PREX2: variants seen among roughly 807,000 people sequenced by gnomAD.
PREX2 encodes the protein phosphatidylinositol 3,4,5-trisphosphate-dependent Rac exchanger 2 protein.
In PREX2, 107 loss-of-function variants were observed where a neutral mutation model predicts 203.2. The ratio of observed to expected loss-of-function variants is 0.53; its 90% confidence interval spans 0.45 to 0.62. The LOEUF (loss-of-function observed/expected upper bound fraction) is 0.62. Among genes scored for constraint, PREX2 ranks in the 20% least tolerant of loss-of-function variants. The pLI is 0.00. For synonymous variants in PREX2, 672 were observed against 663.6 expected (o/e 1.01, Z -0.19); for missense variants, 1,777 against 1,955.9 (o/e 0.91, Z 1.72).
intron 38 of PREX2, among the ~76,000 whole-genome samples, chr8:68,218,639 G>A (rs979542971): frequency 8.5e-5 from 13 of 152,094 alleles, no homozygotes; most frequent in Non-Finnish European, 1.8e-4. Context: ...TATCTAACTC[G>A]CAGGCAAACG....
At position 67,959,894 on chromosome 8, in the gene PREX2, A is replaced by G. The variant is rs546941387; in HGVS notation, c.141+7359A>G. ...AACTTACAAACTCTCTCTTTGGGCA[A>G]ACAACACAGCCTCTGTATGTCTCAG... On this transcript the variant is annotated intron_variant, in intron 1 of 39. Coordinates refer to ENST00000288368, the MANE Select transcript of PREX2 (RefSeq NM_024870.4). Among the ~76,000 whole-genome samples the G allele has an allele frequency of 2.6e-5, 4 of 152,250 alleles. No individual in the cohort carries two copies. In the South Asian group the frequency reaches 8.3e-4, roughly 32 times the overall value.
chr8:68,157,343 A>G lies in PREX2; in HGVS notation c.4253A>G (p.Tyr1418Cys). Residue 1418 changes from tyrosine (Y) to cysteine (C), a missense_variant, in exon 35 of 40, where the codon TAT becomes TGT. Transcript: ENST00000288368. ...ACAGCACTAGAGAGCATGGAAGGAT[A>G]TTATTACAGAGACAATGTTTCTGTG... is the stretch of plus-strand genomic sequence containing the variant. ...FAQALESMEG[Y>C]YYRDNVSVEE... is the part of the protein sequence containing the mutation. 6 of 1,608,026 alleles carry G rather than the reference A, an allele frequency of 3.7e-6. No homozygotes were observed. The highest frequency in any genetic ancestry group is 4.3e-6 in the Non-Finnish European group (5 of 1,174,792).
chr8:68,060,784 T>C lies in PREX2; in HGVS notation c.1339+5T>C. ...AAAATGGAATCATTCACCATGGTAA[T>C]TACTTTATTATTAATTACTTATTTA... On this transcript the variant is annotated splice_donor_5th_base_variant and intron_variant, in intron 11 of 39. Coordinates refer to ENST00000288368, the MANE Select transcript of PREX2 (RefSeq NM_024870.4). 1 of 1,557,600 alleles carries C rather than the reference T, an allele frequency of 6.4e-7. No individual in the cohort carries two copies. Among genetic ancestry groups the C allele is most frequent in the South Asian group, 1.1e-5 (1 of 87,940 alleles).
chr8:68,215,121 C>T (rs1293003330), intron 37 of PREX2, among the ~76,000 whole-genome samples: 1 of 152,126 alleles, frequency 6.6e-6, no homozygotes, highest in Non-Finnish European at 1.5e-5. Context: ...TTCCTGATTG[C>T]AGTAAAATCT....
intron 33 of PREX2, among the ~76,000 whole-genome samples, chr8:68,145,168 A>G (rs1250426675): frequency 6.6e-6 from 1 of 152,164 alleles, no homozygotes; most frequent in African/African-American, 2.4e-5. Context: ...TTAATTTTCA[A>G]CCCTTTGGGT....
At position 68,109,434 on chromosome 8, in the gene PREX2, T is replaced by C; in HGVS notation, c.2957T>C (p.Val986Ala). 1 of 1,613,870 alleles carries C rather than the reference T, an allele frequency of 6.2e-7. No individual in the cohort carries two copies. The highest frequency in any genetic ancestry group is 8.5e-7 in the Non-Finnish European group (1 of 1,179,858). Residue 986 changes from valine to alanine, a missense_variant, in exon 25 of 40, where the codon GTG becomes GCG. Transcript: ENST00000288368. ...SSEQGKLSPM[V>A]YIQHTITTMA... ...TCCTCAGGGAAACTGAGCCCTATGG[T>C]GTACATTCAGCACACCATCACAACC...
At position 68,139,990 on chromosome 8, in the gene PREX2, T is replaced by A. The variant is rs1811195090; in HGVS notation, c.4087+1473T>A. On this transcript the variant is annotated intron_variant, in intron 33 of 39. Transcript: ENST00000288368. ...TCTATTTTTGTGATATAACCTGATA[T>A]GTTGTTTAAAGTTTTGCCTGAGGAA... is the stretch of plus-strand genomic sequence containing the variant. 2.0e-5 allele frequency among the ~76,000 whole-genome samples: 3 copies of A among 152,196 alleles called. 1 individual carries two copies. The South Asian group carries it at 6.2e-4, about 32-fold the overall frequency.
At chr8:67,983,764 A>T (rs536441538) in intron 1 of PREX2, among the ~76,000 whole-genome samples, 1 of 152,258 alleles carries the variant, frequency 6.6e-6, no homozygotes, top group South Asian at 2.1e-4. Context: ...CTTAGTAGTG[A>T]TTAGGGTTGT....
In PREX2 at chr8:68,168,414, A is replaced by G. The variant is rs113048281; in HGVS notation, c.4346+10978A>G. Among the ~76,000 whole-genome samples the G allele has an allele frequency of 1.4e-3, 206 of 152,342 alleles. 1 individual carries two copies. The highest frequency in any genetic ancestry group is 4.8e-3 in the African/African-American group (199 of 41,588). The stretch of plus-strand genomic sequence containing the variant: ...AATTATACTTTATTAAGAAAATAGC[A>G]TGAGCATTAATTACATGATACCCTG... On this transcript the variant is annotated intron_variant, in intron 35 of 39. Transcript: ENST00000288368.
intron 20 of PREX2, among the ~76,000 whole-genome samples, chr8:68,093,272 G>A (rs11984669): frequency 0.46 from 68,684 of 150,870 alleles, 16,096 homozygotes; most frequent in African/African-American, 0.56. Flanking sequence ...TGCCTGTAAT[G>A]CCAGCTACTC....
At chr8:68,191,937 C>A in intron 36 of PREX2, 149 bp downstream of exon 36, 1 of 607,286 alleles carries the variant, frequency 1.6e-6, no homozygotes, top group East Asian at 2.8e-5. Flanking sequence ...CTTCTTTATT[C>A]ATTTATTTAT....
intron 1 of PREX2, among the ~76,000 whole-genome samples, chr8:67,968,588 T>C (rs1805839209): frequency 6.6e-6 from 1 of 152,226 alleles, no homozygotes; most frequent in South Asian, 2.1e-4. Flanking sequence ...TGCTTTCTTC[T>C]TCCTGTTTCT....
chr8:68,006,955 T>C (rs1807115259), intron 1 of PREX2, among the ~76,000 whole-genome samples: 1 of 152,200 alleles, frequency 6.6e-6, no homozygotes, highest in South Asian at 2.1e-4. Context: ...ATAACCCAGG[T>C]CAGAAAAAAA....
chr8:68,051,178 G>A (rs570837938), intron 8 of PREX2, among the ~76,000 whole-genome samples: 2 of 152,150 alleles, frequency 1.3e-5, no homozygotes, highest in South Asian at 4.1e-4. Context: ...ACACTTATGC[G>A]GTGGCAGGAG....
In PREX2 at chr8:68,063,740, G is replaced by A. The variant is rs368310227; in HGVS notation, c.1339+2961G>A. 5.3e-5 allele frequency among the ~76,000 whole-genome samples: 8 copies of A among 152,036 alleles called. No homozygotes were observed. The East Asian group carries it at 5.8e-4, about 11-fold the overall frequency. ...GCAGCTGGGTTTCTTGATGGACAGC[G>A]TAAAAAGACAGACTTAAACTACCAA... On this transcript the variant is annotated intron_variant, in intron 11 of 39. Coordinates refer to ENST00000288368, the MANE Select transcript of PREX2 (RefSeq NM_024870.4).
intron 20 of PREX2, among the ~76,000 whole-genome samples, chr8:68,092,647 C>G (rs1809915706): frequency 6.6e-6 from 1 of 152,076 alleles, no homozygotes; most frequent in Non-Finnish European, 1.5e-5. Flanking sequence ...AGTTACATTA[C>G]TTGGGAGACC....
chr8:67,996,553 G>A (rs534730604), intron 1 of PREX2, among the ~76,000 whole-genome samples: 17 of 152,140 alleles, frequency 1.1e-4, no homozygotes, highest in Admixed American at 1.0e-3. Context: ...TTTGTCAGGT[G>A]TATGTATTGT....
At chr8:68,093,577 T>C (rs1174515024) in intron 20 of PREX2, 28 bp from the exon 21 acceptor site, 1 of 1,151,792 alleles carries the variant, frequency 8.7e-7, no homozygotes, top group South Asian at 1.3e-5. Flanking sequence ...CTAATACCTC[T>C]GAGGTTTCTT....
chr8:68,224,466 T>A, intron 38 of PREX2, 93 bp from the exon 39 acceptor site: 1 of 951,668 alleles, frequency 1.1e-6, no homozygotes, highest in Non-Finnish European at 1.7e-6. Flanking sequence ...TTAAAGACAT[T>A]GTTTGAATAA....
Sources: allele counts gnomAD v4.1 joint callset (sites outside exome capture counted in the v4.1 genomes callset), GRCh38; gene constraint gnomAD v4.1.1; transcripts MANE v1.5; gene names NCBI Gene and HGNC (gene_info 2026-07-23, HGNC 2026-07-21).